The following GRIA2 variants were observed in gnomAD, a reference collection of about 807,000 sequenced individuals.
GRIA2 encodes the protein glutamate receptor 2.
Under a neutral mutation model 97.3 loss-of-function variants are expected in GRIA2, and 14 were observed. That is an observed-to-expected ratio of 0.14 (90% CI 0.10 to 0.23). The LOEUF is 0.23. Among genes scored for constraint, GRIA2 ranks in the 10% least tolerant of loss-of-function variants. GRIA2 has a pLI of 1.00. For missense variants in GRIA2, 558 were observed against 1,069.8 expected, an observed-to-expected ratio of 0.52 and a Z score of 6.67; for synonymous variants, 412 against 387.8, an observed-to-expected ratio of 1.06 and a Z score of -0.73.
chr4:157,271,483 GT>G (rs1448741120), intron 2 of GRIA2, among the ~76,000 whole-genome samples: 4 of 152,036 alleles, frequency 2.6e-5, no homozygotes, highest in South Asian at 2.1e-4. Context: ...ACATTTACAG[GT>G]TTATTATAAA....
intron 2 of GRIA2, among the ~76,000 whole-genome samples, chr4:157,255,971 G>A (rs62331525): frequency 0.017 from 2,549 of 150,826 alleles, 25 homozygotes; most frequent in Non-Finnish European, 0.023. Flanking sequence ...ATTCGTACAT[G>A]TAGTTTTATA....
At chr4:157,309,349 GTT>G (rs747461041) in intron 3 of GRIA2, among the ~76,000 whole-genome samples, 11 of 130,678 alleles carry the variant, frequency 8.4e-5, no homozygotes, top group Non-Finnish European at 9.9e-5. Flanking sequence ...AAATTTCTTG[GTT>G]TTTTTTTTTT....
intron 3 of GRIA2, among the ~76,000 whole-genome samples, chr4:157,306,829 C>T (rs894479364): frequency 6.6e-6 from 1 of 152,038 alleles, no homozygotes; most frequent in East Asian, 1.9e-4. Context: ...CCATTTGGTC[C>T]GAAATCATTT....
chr4:157,356,575 T>A (rs1279598019), intron 12 of GRIA2, among the ~76,000 whole-genome samples: 2 of 152,110 alleles, frequency 1.3e-5, no homozygotes, highest in Non-Finnish European at 2.9e-5. Context: ...AAGGGGCTAA[T>A]TGAGGCAATT....
chr4:157,354,398 C>G (rs371075209), intron 12 of GRIA2, among the ~76,000 whole-genome samples: 2 of 152,104 alleles, frequency 1.3e-5, no homozygotes, highest in African/African-American at 4.8e-5. Flanking sequence ...CAATGCTAGA[C>G]AATGAGCATG....
intron 2 of GRIA2, among the ~76,000 whole-genome samples, chr4:157,276,229 C>T (rs2126800974): frequency 6.6e-6 from 1 of 152,074 alleles, no homozygotes; most frequent in African/African-American, 2.4e-5. Flanking sequence ...AAACCAATAA[C>T]AGAAAGATAG....
intron 2 of GRIA2, among the ~76,000 whole-genome samples, chr4:157,297,854 C>G (rs1311583217): frequency 3.3e-5 from 5 of 151,210 alleles, no homozygotes; most frequent in African/African-American, 4.9e-5. Context: ...AAAAATTATA[C>G]CAACAGGGAA....
chr4:157,286,696 AT>A (rs1457037912), intron 2 of GRIA2, among the ~76,000 whole-genome samples: 1 of 151,216 alleles, frequency 6.6e-6, no homozygotes, highest in African/African-American at 2.4e-5. Flanking sequence ...TTAGTGGTTG[AT>A]TTTGGTATTT....
At chr4:157,262,761 C>T (rs1010618139) in intron 2 of GRIA2, among the ~76,000 whole-genome samples, 3 of 152,054 alleles carry the variant, frequency 2.0e-5, no homozygotes, top group Admixed American at 6.6e-5. Context: ...CTCTCTCTCT[C>T]TCTCATTAAC....
At chr4:157,224,123 C>T (rs1247999447) in intron 2 of GRIA2, among the ~76,000 whole-genome samples, 1 of 152,100 alleles carries the variant, frequency 6.6e-6, no homozygotes, top group African/African-American at 2.4e-5. Context: ...TTCTGAGAAG[C>T]TGGAATAATC....
Position 157,361,632 on chromosome 4 carries a change from G to A in GRIA2, c.2406+508G>A, listed in dbSNP as rs1463608771. ...GTGGTACGATAAAGGTGAATGTGGAGCCAAGGACTCTGGAAGTAAGGTCAG... is the reference window on the plus strand; with the variant it reads ...GTGGTACGATAAAGGTGAATGTGGAACCAAGGACTCTGGAAGTAAGGTCAG... On this transcript the variant is annotated intron_variant, in intron 14 of 15. Coordinates refer to ENST00000264426, the MANE Select transcript of GRIA2 (RefSeq NM_001083619.3). The surrounding 1 kb of genome is among the most constrained non-coding windows in gnomAD (Gnocchi z 5.2). The A allele has an allele frequency of 5.0e-6, 8 of 1,611,320 alleles. No individual in the cohort carries two copies. The highest frequency in any genetic ancestry group is 6.8e-6 in the Non-Finnish European group (8 of 1,177,660).
chr4:157,295,971 G>T (rs1007246253), intron 2 of GRIA2, among the ~76,000 whole-genome samples: 5 of 152,060 alleles, frequency 3.3e-5, no homozygotes, highest in Admixed American at 2.0e-4. Flanking sequence ...TGCAAAATTT[G>T]TTATTGGGCA....
At chr4:157,249,162 G>C (rs1430155386) in intron 2 of GRIA2, among the ~76,000 whole-genome samples, 1 of 152,054 alleles carries the variant, frequency 6.6e-6, no homozygotes, top group Non-Finnish European at 1.5e-5. Context: ...CCTCAAATGT[G>C]CTAGACGCAG....
Position 157,221,061 on chromosome 4 carries a change from A to G in GRIA2, c.19A>G (p.Ile7Val). ...CTTGGAAATGCAAAAGATTATGCAT[A>G]TTTCTGTCCTCCTTTCTCCTGTTTT... MQKIMH[I>V]SVLLSPVLWG... Residue 7 changes from isoleucine to valine, a missense_variant, in exon 1 of 16, where the codon ATT (isoleucine) becomes GTT (valine). Coordinates refer to ENST00000264426, the MANE Select transcript of GRIA2 (RefSeq NM_001083619.3). 3.8e-6 allele frequency: 6 copies of G among 1,585,316 alleles called. No homozygotes were observed. Among genetic ancestry groups the G allele is most frequent in the Non-Finnish European group, 5.2e-6 (6 of 1,153,720 alleles).
At chr4:157,327,358 C>G (rs1208066247) in intron 6 of GRIA2, among the ~76,000 whole-genome samples, 1 of 151,986 alleles carries the variant, frequency 6.6e-6, no homozygotes, top group East Asian at 1.9e-4. Context: ...TGCATGTGTC[C>G]TCTTATTGAG....
At chr4:157,340,956 T>C (rs1735521954) in intron 11 of GRIA2, among the ~76,000 whole-genome samples, 1 of 152,048 alleles carries the variant, frequency 6.6e-6, no homozygotes, top group Admixed American at 6.6e-5. Flanking sequence ...TAAACTTTTA[T>C]GAGTATTTGT....
chr4:157,226,895 G>A (rs1218091369), intron 2 of GRIA2, among the ~76,000 whole-genome samples: 1 of 152,094 alleles, frequency 6.6e-6, no homozygotes, highest in Non-Finnish European at 1.5e-5. Flanking sequence ...TAAATATTCA[G>A]TTATATTCAA....
intron 2 of GRIA2, among the ~76,000 whole-genome samples, chr4:157,301,074 G>C (rs759923229): frequency 4.6e-5 from 7 of 152,140 alleles, no homozygotes; most frequent in Non-Finnish European, 8.8e-5. Context: ...ATAGTACCTA[G>C]ATGACATGCC....
chr4:157,318,647 A>G (rs1309494302), intron 5 of GRIA2, among the ~76,000 whole-genome samples: 1 of 152,140 alleles, frequency 6.6e-6, no homozygotes, highest in African/African-American at 2.4e-5. Context: ...TATCACTAGA[A>G]ATTTCTTTTT....
Sources: allele counts gnomAD v4.1 joint callset (sites outside exome capture counted in the v4.1 genomes callset), GRCh38; gene constraint gnomAD v4.1.1; non-coding constraint Gnocchi (gnomAD v3.1); transcripts MANE v1.5; gene names NCBI Gene and HGNC (gene_info 2026-07-23, HGNC 2026-07-21).